Variants in ABCC8 observed in about 807,000 individuals in gnomAD.
The protein encoded by ABCC8 is ATP-binding cassette sub-family C member 8.
Under a neutral mutation model 188.0 loss-of-function variants are expected in ABCC8, and 137 were observed. The ratio of observed to expected loss-of-function variants is 0.73; its 90% CI spans 0.63 to 0.84. The LOEUF is 0.84. ABCC8 is among the 40% of genes least tolerant of loss of function. The probability of loss-of-function intolerance (pLI) is 0.00; values close to 1 mark genes in which losing one functional copy is unlikely to be tolerated. For synonymous variants in ABCC8, 797 were observed against 846.5 expected (o/e 0.94, Z 1.01); for missense variants, 1,750 against 2,072.7 (o/e 0.84, Z 3.02).
chr11:17,416,454 CT>C (rs1955078860), intron 17 of ABCC8, among the ~76,000 whole-genome samples: 2 of 152,014 alleles, frequency 1.3e-5, no homozygotes, highest in Admixed American at 6.5e-5. Context: ...ATACTTTTTT[CT>C]GTCTTTCCTG....
At chr11:17,423,635 C>T (rs1024429806) in intron 16 of ABCC8, among the ~76,000 whole-genome samples, 4 of 152,148 alleles carry the variant, frequency 2.6e-5, no homozygotes, top group African/African-American at 7.2e-5. Context: ...CCTTCACTAC[C>T]GCCCCTCTGC....
At chr11:17,403,068 G>A (rs1012938092) in intron 28 of ABCC8, among the ~76,000 whole-genome samples, 2 of 152,242 alleles carry the variant, frequency 1.3e-5, no homozygotes, top group Non-Finnish European at 2.9e-5. Context: ...CTGAGCTAAG[G>A]CTGGGCAGGC....
Position 17,410,500 on chromosome 11 carries a change from C to G in ABCC8, c.2694+16G>C. On this transcript the variant is annotated intron_variant, in intron 22 of 38. Coordinates refer to ENST00000389817, the MANE Select transcript of ABCC8 (RefSeq NM_000352.6). ...AGCCCTGCCCCCTATAGCCTGACCCCCTTGTTCCCCCTCACCCAGTCTGCA... is the reference window on the plus strand; with the variant it reads ...AGCCCTGCCCCCTATAGCCTGACCCGCTTGTTCCCCCTCACCCAGTCTGCA... The G allele has an allele frequency of 6.2e-7, 1 of 1,614,078 alleles. No homozygotes were observed. Among genetic ancestry groups the G allele is most frequent in the Non-Finnish European group, 8.5e-7 (1 of 1,179,964 alleles).
intron 29 of ABCC8, among the ~76,000 whole-genome samples, chr11:17,402,276 G>C (rs930984428): frequency 6.6e-6 from 1 of 152,190 alleles, no homozygotes; most frequent in African/African-American, 2.4e-5. Context: ...GAATGAGTGG[G>C]ATTGGCCTGT....
intron 10 of ABCC8, chr11:17,436,179 C>T: frequency 1.4e-6 from 1 of 732,492 alleles, no homozygotes; most frequent in Non-Finnish European, 2.5e-6. Context: ...AGAGCACAGC[C>T]ATCTTGGGTT....
Position 17,393,578 on chromosome 11 carries a change from C to A in ABCC8, c.4608+119G>T. On this transcript the variant is annotated intron_variant, in intron 38 of 38. Transcript: ENST00000389817. ...GCCCCTTGCCCTGAACTGCCTGCTT[C>A]AGGGTTCTTTCTTGATTACTGGGAC... 2.7e-6 allele frequency: 4 copies of A among 1,505,982 alleles called. No individual in the cohort carries two copies. The South Asian group carries it at 4.5e-5, about 17-fold the overall frequency. The allele number at this position is 1,505,982 out of a possible 1,614,324, so 93.3% of individuals were successfully genotyped here.
intron 29 of ABCC8, among the ~76,000 whole-genome samples, chr11:17,399,297 A>AAAC (rs1554907444): frequency 1.6e-5 from 2 of 124,350 alleles, no homozygotes; most frequent in Admixed American, 9.6e-5. Flanking sequence ...AAAAAAAAAA[A>AAAC]AAAAAAACAA....
chr11:17,401,848 A>G (rs1394236458), intron 29 of ABCC8, among the ~76,000 whole-genome samples: 1 of 117,842 alleles, frequency 8.5e-6, no homozygotes, highest in Admixed American at 7.3e-5. Context: ...AGACGATGGC[A>G]GGGGCACTGA....
At chr11:17,412,994 AAGAC>A in intron 20 of ABCC8, 1 of 738,260 alleles carries the variant, frequency 1.4e-6, no homozygotes, top group Non-Finnish European at 2.1e-6. Flanking sequence ...AGTACAAACA[AAGAC>A]AGAGGCAGCA....
chr11:17,450,328 C>CTT lies in ABCC8; in HGVS notation c.1177-1658_1177-1657insAA, dbSNP rs1564959584. ...TTTCTTTCTTTCTTTCTTTCTTTCT[C>CTT]TCTCTCTCTTTCCTTTCTTTCTTTC... On this transcript the variant is annotated intron_variant, in intron 7 of 38. Coordinates refer to ENST00000389817, the MANE Select transcript of ABCC8 (RefSeq NM_000352.6). Among the ~76,000 whole-genome samples, 9 of 109,932 alleles carry CTT rather than the reference C, an allele frequency of 8.2e-5. No individual in the cohort carries two copies. In the East Asian group the frequency reaches 2.1e-3, roughly 25 times the overall value. 72.1% of individuals were successfully genotyped at this position (109,932 alleles called of 152,430 possible).
intron 26 of ABCC8, among the ~76,000 whole-genome samples, chr11:17,406,225 C>T (rs549399902): frequency 6.6e-6 from 1 of 152,260 alleles, no homozygotes; most frequent in East Asian, 1.9e-4. Flanking sequence ...AATAGAACAG[C>T]TACCTGTTCC....
chr11:17,463,416 C>T (rs1273678278), intron 4 of ABCC8, 22 bp downstream of exon 4: 1 of 1,587,546 alleles, frequency 6.3e-7, no homozygotes, highest in Non-Finnish European at 8.6e-7. Context: ...CCACCCCACC[C>T]TGGCCCAGGT....
chr11:17,427,231 C>G lies in ABCC8; in HGVS notation c.2117-77G>C, dbSNP rs1285097957. 4.1e-6 allele frequency: 6 copies of G among 1,456,162 alleles called. No homozygotes were observed. Among genetic ancestry groups the G allele is most frequent in the Admixed American group, 2.4e-5 (1 of 42,350 alleles). 90.2% of individuals were successfully genotyped at this position (1,456,162 alleles called of 1,614,324 possible). ...ACCATTACCCAGAAAGACAGACAGA[C>G]AGATGCACCCAACCCTGGGGCCCCT... On this transcript the variant is annotated intron_variant, in intron 15 of 38. Transcript: ENST00000389817. This position sits in a 1 kb window ranked among gnomAD's most constrained non-coding sequence, Gnocchi z 5.0.
chr11:17,403,499 C>T (rs185320420), intron 28 of ABCC8, among the ~76,000 whole-genome samples: 25 of 152,216 alleles, frequency 1.6e-4, no homozygotes, highest in Non-Finnish European at 2.6e-4. Context: ...GTGTGGGTGT[C>T]GGGCCATTCT....
intron 8 of ABCC8, among the ~76,000 whole-genome samples, chr11:17,443,759 G>A (rs1160738475): frequency 6.6e-6 from 1 of 152,206 alleles, no homozygotes; most frequent in Non-Finnish European, 1.5e-5. Flanking sequence ...CCAGCCTGGG[G>A]TCCGAGAATT....
intron 8 of ABCC8, among the ~76,000 whole-genome samples, chr11:17,445,873 G>A (rs1385218366): frequency 6.6e-6 from 1 of 152,052 alleles, no homozygotes; most frequent in Non-Finnish European, 1.5e-5. Context: ...GTTAATATTA[G>A]TTAGCACTAT....
At chr11:17,408,779 G>T (rs983348044) in intron 22 of ABCC8, among the ~76,000 whole-genome samples, 5 of 152,082 alleles carry the variant, frequency 3.3e-5, no homozygotes, top group African/African-American at 1.2e-4. Context: ...GCTCAAGCTG[G>T]CTGGTTACTC....
intron 38 of ABCC8, 39 bp from the exon 39 acceptor site, chr11:17,393,167 A>G (rs1297283669): frequency 1.9e-6 from 3 of 1,611,128 alleles, no homozygotes; most frequent in African/African-American, 1.3e-5. Flanking sequence ...GATGGTGGGA[A>G]TACCACCCGC....
intron 10 of ABCC8, among the ~76,000 whole-genome samples, chr11:17,440,110 A>T (rs959601689): frequency 1.3e-5 from 2 of 152,134 alleles, no homozygotes; most frequent in Non-Finnish European, 2.9e-5. Context: ...AGGCTGCCCC[A>T]ACTTCACTGC....
Sources: allele counts gnomAD v4.1 joint callset (sites outside exome capture counted in the v4.1 genomes callset), GRCh38; gene constraint gnomAD v4.1.1; non-coding constraint Gnocchi (gnomAD v3.1); transcripts MANE v1.5; gene names NCBI Gene and HGNC (gene_info 2026-07-23, HGNC 2026-07-21).